MAF: variants seen among roughly 807,000 people sequenced by gnomAD.
The protein encoded by MAF is MAF bZIP transcription factor, also known as transcription factor Maf.
In MAF, 10 loss-of-function variants were observed where a neutral mutation model predicts 22.0. The observed-to-expected ratio is 0.45, with a 90% confidence interval of 0.28 to 0.77. The LOEUF is 0.77. MAF is among the 30% of genes least tolerant of loss of function. MAF has a pLI of 0.12. For missense variants in MAF, 544 were observed against 548.4 expected (o/e 0.99, Z 0.08); for synonymous variants, 337 against 255.8 (o/e 1.32, Z -3.03).
At chr16:79,468,435 G>T in the MAF span, among the ~76,000 whole-genome samples, 2 of 152,210 alleles carry the variant, frequency 1.3e-5, no homozygotes, top group Non-Finnish European at 2.9e-5. Context: ...GTGTCCTCTG[G>T]AGGGAGCCAA....
chr16:79,447,476 T>C, the MAF span, among the ~76,000 whole-genome samples: 34 of 152,316 alleles, frequency 2.2e-4, no homozygotes, highest in East Asian at 5.8e-4. Flanking sequence ...CTGCAGCCCA[T>C]GGACCAAGGA....
the MAF span, among the ~76,000 whole-genome samples, chr16:79,517,710 G>C: frequency 6.6e-6 from 1 of 151,790 alleles, no homozygotes; most frequent in African/African-American, 2.4e-5. Flanking sequence ...AAGTCACAGG[G>C]ATTACAGGCA....
the MAF span, among the ~76,000 whole-genome samples, chr16:79,210,451 G>C: frequency 6.6e-6 from 1 of 152,140 alleles, no homozygotes; most frequent in East Asian, 1.9e-4. Context: ...GCAGAAAAAT[G>C]ATAAGCTTTG....
At chr16:79,396,522 G>C in the MAF span, among the ~76,000 whole-genome samples, 1 of 152,198 alleles carries the variant, frequency 6.6e-6, no homozygotes, top group African/African-American at 2.4e-5. Context: ...CCAATAGGAA[G>C]GCATTGTGTG....
chr16:79,553,386 C>T, the MAF span, among the ~76,000 whole-genome samples: 19,102 of 152,272 alleles, frequency 0.13, 1,389 homozygotes, highest in East Asian at 0.27. Flanking sequence ...AGAGGAGGGG[C>T]TGGTGTGAGG....
the MAF span, among the ~76,000 whole-genome samples, chr16:79,470,148 T>C: frequency 5.3e-5 from 8 of 152,218 alleles, no homozygotes; most frequent in African/African-American, 1.9e-4. Context: ...GTGCTTACAT[T>C]TGGAACATGA....
chr16:79,305,058 A>G, the MAF span, among the ~76,000 whole-genome samples: 4 of 152,246 alleles, frequency 2.6e-5, no homozygotes, highest in Non-Finnish European at 5.9e-5. Context: ...AGCGGCCTAC[A>G]GAATCGTGTG....
the MAF span, among the ~76,000 whole-genome samples, chr16:79,391,953 G>A: frequency 6.7e-6 from 1 of 149,554 alleles, no homozygotes; most frequent in Non-Finnish European, 1.5e-5. Context: ...GGAGAAGGAG[G>A]AGGACAAAAG....
the MAF span, among the ~76,000 whole-genome samples, chr16:79,209,733 A>C: frequency 6.6e-6 from 1 of 152,196 alleles, no homozygotes; most frequent in African/African-American, 2.4e-5. Context: ...GAGCATCTCA[A>C]TTCTCCAATT....
chr16:79,379,465 G>A, the MAF span, among the ~76,000 whole-genome samples: 1 of 151,764 alleles, frequency 6.6e-6, no homozygotes, highest in African/African-American at 2.4e-5. Flanking sequence ...GAGGACGTAG[G>A]AGCAGAAGTA....
At chr16:79,352,524 G>T in the MAF span, among the ~76,000 whole-genome samples, 2 of 152,168 alleles carry the variant, frequency 1.3e-5, no homozygotes, top group Non-Finnish European at 2.9e-5. Flanking sequence ...AATATCCATG[G>T]AGCACTGGGT....
At chr16:79,273,105 C>T in the MAF span, among the ~76,000 whole-genome samples, 518 of 152,230 alleles carry the variant, frequency 3.4e-3, 3 homozygotes, top group African/African-American at 0.012. Context: ...CTGCGGTGTC[C>T]TTGTTTTGCT....
the MAF span, among the ~76,000 whole-genome samples, chr16:79,292,992 A>C: frequency 1.3e-5 from 2 of 152,218 alleles, no homozygotes; most frequent in South Asian, 4.1e-4. Context: ...CAGAAAACTC[A>C]TGAATAGTCT....
the MAF span, among the ~76,000 whole-genome samples, chr16:79,266,558 C>T: frequency 6.6e-6 from 1 of 152,154 alleles, no homozygotes; most frequent in Non-Finnish European, 1.5e-5. Context: ...GGTTGTCTTT[C>T]TGGAAATAGC....
chr16:79,570,330 C>T, the MAF span, among the ~76,000 whole-genome samples: 1 of 151,988 alleles, frequency 6.6e-6, no homozygotes, highest in African/African-American at 2.4e-5. Context: ...CTTTGCTGGC[C>T]TATCTTCTCC....
the MAF span, among the ~76,000 whole-genome samples, chr16:79,282,336 G>A: frequency 6.6e-6 from 1 of 152,160 alleles, no homozygotes; most frequent in African/African-American, 2.4e-5. Flanking sequence ...ACTGTTAGGA[G>A]GTTGGTGGAT....
At chr16:79,447,821 G>T in the MAF span, among the ~76,000 whole-genome samples, 1 of 147,528 alleles carries the variant, frequency 6.8e-6, no homozygotes, top group African/African-American at 2.5e-5. Context: ...TTGAGCCCAG[G>T]AGGTGGAGGA....
chr16:79,558,427 G>C, the MAF span, among the ~76,000 whole-genome samples: 1 of 152,158 alleles, frequency 6.6e-6, no homozygotes, highest in Admixed American at 6.5e-5. Flanking sequence ...ACATTAATCA[G>C]ATTTGTCATT....
intron 1 of MAF, chr16:79,585,946 T>C (rs952080870): frequency 2.9e-6 from 2 of 680,652 alleles, no homozygotes; most frequent in Non-Finnish European, 5.3e-6. Context: ...GGGTACCTGA[T>C]TTAGTAAATA....
Sources: gnomAD v4.1 joint callset for allele counts (sites outside exome capture counted in the v4.1 genomes callset) on GRCh38, gnomAD v4.1.1 for gene constraint, MANE v1.5 for transcripts, NCBI Gene and HGNC (gene_info 2026-07-23, HGNC 2026-07-21) for gene names.